RLF: variants seen among roughly 807,000 people sequenced by gnomAD.
RLF encodes the protein RLF zinc finger.
A neutral mutation model predicts 162.9 loss-of-function variants in RLF; 7 were observed. The observed-to-expected ratio is 0.04, with a 90% CI of 0.02 to 0.08. The LOEUF is 0.08. Ranked by LOEUF, RLF falls within the 10% of genes least tolerant of loss-of-function variation. The pLI, the probability that RLF is intolerant of heterozygous loss-of-function variation, is 1.00. For missense variants in RLF, 1,664 were observed against 2,244.7 expected (o/e 0.74, Z 5.23); for synonymous variants, 782 against 791.5 (o/e 0.99, Z 0.20).
chr1:40,219,562 A>T (rs558980841), intron 5 of RLF, among the ~76,000 whole-genome samples: 8 of 152,190 alleles, frequency 5.3e-5, no homozygotes, highest in Non-Finnish European at 1.2e-4. Flanking sequence ...TGCAAGGCAA[A>T]TGAGCTCTTG....
chr1:40,200,844 C>G (rs914123419), intron 4 of RLF, among the ~76,000 whole-genome samples: 1 of 126,480 alleles, frequency 7.9e-6, no homozygotes, highest in African/African-American at 2.9e-5. Flanking sequence ...GTGGTTTATC[C>G]TTAGTATAAA....
intron 1 of RLF, among the ~76,000 whole-genome samples, chr1:40,182,428 G>A (rs1642416691): frequency 6.6e-5 from 10 of 151,816 alleles, no homozygotes; most frequent in South Asian, 4.2e-4. Context: ...GGGAGACTCC[G>A]TCTCTAAAAA....
At chr1:40,216,565 T>C (rs1642927066) in intron 5 of RLF, among the ~76,000 whole-genome samples, 1 of 151,874 alleles carries the variant, frequency 6.6e-6, no homozygotes, top group Non-Finnish European at 1.5e-5. Context: ...AATATACCTA[T>C]GACTAGTAAA....
chr1:40,190,719 CTACT>C, intron 2 of RLF, 49 bp from the exon 3 acceptor site: 1 of 1,137,114 alleles, frequency 8.8e-7, no homozygotes, highest in Non-Finnish European at 1.3e-6. Context: ...CTGTCATACT[CTACT>C]TAATTATTAC....
chr1:40,205,054 A>G (rs1375921997), intron 5 of RLF, among the ~76,000 whole-genome samples: 1 of 152,160 alleles, frequency 6.6e-6, no homozygotes, highest in East Asian at 1.9e-4. Context: ...CTTAAGGATA[A>G]TGCTACAGCA....
chr1:40,214,925 A>AC (rs1642905241), intron 5 of RLF, among the ~76,000 whole-genome samples: 1 of 146,070 alleles, frequency 6.8e-6, no homozygotes, highest in South Asian at 2.1e-4. Context: ...TCTCAAAAAA[A>AC]AAAAAAAAAA....
At chr1:40,207,204 A>C (rs537774956) in intron 5 of RLF, among the ~76,000 whole-genome samples, 22 of 152,308 alleles carry the variant, frequency 1.4e-4, no homozygotes, top group Admixed American at 1.4e-3. Context: ...GGCACTCAAT[A>C]CTTATTGAAT....
chr1:40,229,532 G>A (rs564843440), intron 6 of RLF, among the ~76,000 whole-genome samples: 88 of 131,858 alleles, frequency 6.7e-4, no homozygotes, highest in African/African-American at 2.3e-3. Flanking sequence ...TCGGCTTACC[G>A]CAACCTCCAC....
At position 40,240,665 on chromosome 1, in the gene RLF, T is replaced by TA. The variant is rs1043336325; in HGVS notation, c.*225dup. On this transcript the variant is annotated 3_prime_UTR_variant, in exon 8 of 8. Coordinates refer to ENST00000372771, the MANE Select transcript of RLF (RefSeq NM_012421.4). The stretch of plus-strand genomic sequence containing the variant: ...GGTTTATTTTTGTTTGTTTGTTTAT[T>TA]AAAAAAATGGAACTGTACACTTGTT... 38 of 504,136 alleles carry TA rather than the reference T, an allele frequency of 7.5e-5. No individual in the cohort carries two copies. Among genetic ancestry groups the TA allele is most frequent in the African/African-American group, 1.7e-4 (9 of 51,950 alleles). 31.2% of individuals were successfully genotyped at this position (504,136 alleles called of 1,614,324 possible). A position where few individuals can be genotyped will look rare whatever the true frequency, so the allele number is the denominator to read the frequency against.
Position 40,237,240 on chromosome 1 carries a change from T to G in RLF, c.2538T>G (p.Gly846=). The G allele has an allele frequency of 6.2e-7, 1 of 1,613,948 alleles. No homozygotes were observed. Among genetic ancestry groups the G allele is most frequent in the East Asian group, 2.2e-5 (1 of 44,876 alleles). ...TGAAACTTGAGGAGTCTGCAACAGG[T>G]GAAAAGCAAGATTGTATTAATCAGC... ...KSVKLEESAT[G]EKQDCINQPH... The change falls in exon 8 of 8, where the codon GGT becomes GGG. Residue 846 remains glycine (G), a synonymous_variant. Transcript: ENST00000372771. The surrounding 1 kb of genome is among the most constrained non-coding windows in gnomAD (Gnocchi z 4.4).
chr1:40,229,448 C>CTT (rs1005418216), intron 6 of RLF, among the ~76,000 whole-genome samples: 1,886 of 90,906 alleles, frequency 0.021, 21 homozygotes, highest in African/African-American at 0.026. Context: ...ATTCATTTAT[C>CTT]TTTTTTTTTT....
Position 40,240,538 on chromosome 1 carries a change from C to T in RLF, c.*91C>T, listed in dbSNP as rs1459717459. On this transcript the variant is annotated 3_prime_UTR_variant, in exon 8 of 8. Coordinates refer to ENST00000372771, the MANE Select transcript of RLF (RefSeq NM_012421.4). ...AACAAAGGCTGAGAAGCAGCCACAC[C>T]GTTGTTTAGGGTAGAATAGGCTGTG... 13 of 900,122 alleles carry T rather than the reference C, an allele frequency of 1.4e-5. No homozygotes were observed. The highest frequency in any genetic ancestry group is 8.0e-5 in the South Asian group (5 of 62,364). The allele number at this position is 900,122 out of a possible 1,614,324, so 55.8% of individuals were successfully genotyped here.
At position 40,229,006 on chromosome 1, in the gene RLF, G is replaced by A. The variant is rs576195364; in HGVS notation, c.948-2511G>A. 8.1e-4 allele frequency among the ~76,000 whole-genome samples: 124 copies of A among 152,208 alleles called. 1 individual carries two copies. Among genetic ancestry groups the A allele is most frequent in the Middle Eastern group, 6.8e-3 (2 of 294 alleles). ...TTGGTTGGTTTTAGGGTCTTACTGC[G>A]TTGCTCAGGCTGGTCTTGAACTCCT... On this transcript the variant is annotated intron_variant, in intron 6 of 7. Transcript: ENST00000372771.
chr1:40,225,083 G>A (rs1643051267), intron 6 of RLF, among the ~76,000 whole-genome samples: 1 of 152,080 alleles, frequency 6.6e-6, no homozygotes, highest in Non-Finnish European at 1.5e-5. Context: ...GGGACATAAG[G>A]AGTATTTGTT....
intron 1 of RLF, among the ~76,000 whole-genome samples, chr1:40,165,786 C>G (rs986813169): frequency 4.6e-5 from 7 of 152,074 alleles, no homozygotes; most frequent in African/African-American, 1.2e-4. Context: ...ATTCCTCCCC[C>G]CCCTCCGCCA....
chr1:40,199,334 A>G (rs1642679296), intron 4 of RLF, among the ~76,000 whole-genome samples: 1 of 152,264 alleles, frequency 6.6e-6, no homozygotes, highest in Admixed American at 6.5e-5. Context: ...ACAGTGTAAT[A>G]AAGGAGATAT....
chr1:40,211,532 C>G (rs909070863), intron 5 of RLF, among the ~76,000 whole-genome samples: 1 of 152,154 alleles, frequency 6.6e-6, no homozygotes, highest in Non-Finnish European at 1.5e-5. Flanking sequence ...TATACCAATG[C>G]AAAACATTTA....
rs755184455 is a variant in RLF, at chr1:40,237,439, A to G, written c.2737A>G (p.Ile913Val). 6 of 1,614,100 alleles carry G rather than the reference A, an allele frequency of 3.7e-6. No homozygotes were observed. The South Asian group carries it at 4.4e-5, about 12-fold the overall frequency. Residue 913 changes from isoleucine to valine, a missense_variant, in exon 8 of 8, where the codon ATT (isoleucine) becomes GTT (valine). Coordinates refer to ENST00000372771, the MANE Select transcript of RLF (RefSeq NM_012421.4). This position sits in a 1 kb window ranked among gnomAD's most constrained non-coding sequence, Gnocchi z 4.4. ...SSSASMNEEL[I>V]DTLDHSETMQ... ...TTCAGCTTCAATGAATGAAGAGCTAATTGACACACTAGATCACTCTGAAAC... is the reference window on the plus strand; with the variant it reads ...TTCAGCTTCAATGAATGAAGAGCTAGTTGACACACTAGATCACTCTGAAAC...
intron 4 of RLF, among the ~76,000 whole-genome samples, chr1:40,196,854 T>A (rs1319827783): frequency 6.6e-6 from 1 of 152,232 alleles, no homozygotes; most frequent in Non-Finnish European, 1.5e-5. Context: ...AAAAATTATG[T>A]ATTTGAATTG....
Sources: gnomAD v4.1 joint callset for allele counts (sites outside exome capture counted in the v4.1 genomes callset) on GRCh38, gnomAD v4.1.1 for gene constraint, Gnocchi (gnomAD v3.1) non-coding constraint, MANE v1.5 for transcripts, NCBI Gene and HGNC (gene_info 2026-07-23, HGNC 2026-07-21) for gene names.